CFHR1: variants seen among roughly 807,000 people sequenced by gnomAD.
CFHR1 encodes the protein complement factor H related 1.
A neutral mutation model predicts 30.4 loss-of-function variants in CFHR1; 22 were observed. That is an observed-to-expected ratio of 0.72 (90% CI 0.52 to 1.03). CFHR1 has a LOEUF of 1.03. Among genes scored for constraint, CFHR1 ranks in the 50% least tolerant of loss-of-function variants. The pLI is 0.00. For missense variants in CFHR1, 248 were observed against 380.6 expected, an observed-to-expected ratio of 0.65 and a Z score of 2.90; for synonymous variants, 95 against 129.1, an observed-to-expected ratio of 0.74 and a Z score of 1.79.
rs1391584229 is a variant in CFHR1, at chr1:196,829,255, C to A, written c.607+1009C>A. Among the ~76,000 whole-genome samples, 2 of 134,818 alleles carry A rather than the reference C, an allele frequency of 1.5e-5. 1 individual carries two copies. Among genetic ancestry groups the A allele is most frequent in the Non-Finnish European group, 3.1e-5 (2 of 64,210 alleles). The allele number at this position is 134,818 out of a possible 152,430, so 88.4% of individuals were successfully genotyped here. Reference sequence around the variant, plus strand: ...ACTTTCATGTAGATCCATTTATACTCTCCACATTGTAAGTATAAATGCCAG... The same window carrying A: ...ACTTTCATGTAGATCCATTTATACTATCCACATTGTAAGTATAAATGCCAG... On this transcript the variant is annotated intron_variant, in intron 4 of 5. Coordinates refer to ENST00000320493, the MANE Select transcript of CFHR1 (RefSeq NM_002113.3).
rs1573147470 is a variant in CFHR1 at position 196,824,724 on chromosome 1, G to T, written c.59-753G>T. The stretch of plus-strand genomic sequence containing the variant: ...TGATCTGCAGTTGGTTGAATCAGAC[G>T]AAGTGAAACGAGTGGGGCTGACTGT... On this transcript the variant is annotated intron_variant, in intron 1 of 5. Transcript: ENST00000320493. Among the ~76,000 whole-genome samples the T allele has an allele frequency of 2.2e-5, 2 of 91,960 alleles. 1 individual carries two copies. The highest frequency in any genetic ancestry group is 4.0e-5 in the Non-Finnish European group (2 of 50,070). The allele number at this position is 91,960 out of a possible 152,430, so 60.3% of individuals were successfully genotyped here. A position where few individuals can be genotyped will look rare whatever the true frequency, so the allele number is the denominator to read the frequency against.
rs777164625 is a variant in CFHR1, at chr1:196,826,194, C to G, written c.253+523C>G. Among the ~76,000 whole-genome samples, 130 of 134,394 alleles carry G rather than the reference C, an allele frequency of 9.7e-4. 18 individuals are homozygous for G. Among genetic ancestry groups the G allele is most frequent in the Non-Finnish European group, 1.5e-3 (99 of 64,122 alleles). The allele number at this position is 134,394 out of a possible 152,430, so 88.2% of individuals were successfully genotyped here. A position where few individuals can be genotyped will look rare whatever the true frequency, so the allele number is the denominator to read the frequency against. Reference sequence around the variant, plus strand: ...AGAAAAAAAAATTGGGAGACAGATACATGAGGCAACAAAGGAGATAGCAAT... The same window carrying G: ...AGAAAAAAAAATTGGGAGACAGATAGATGAGGCAACAAAGGAGATAGCAAT... On this transcript the variant is annotated intron_variant, in intron 2 of 5. Coordinates refer to ENST00000320493, the MANE Select transcript of CFHR1 (RefSeq NM_002113.3).
At position 196,824,028 on chromosome 1, in the gene CFHR1, G is replaced by T. The variant is rs1449435144; in HGVS notation, c.59-1449G>T. The stretch of plus-strand genomic sequence containing the variant: ...TACACAAAAAAAGAGTAAAAAGTAT[G>T]AAGATTTCACCCATTTTCTACATTG... On this transcript the variant is annotated intron_variant, in intron 1 of 5. Transcript: ENST00000320493. Among the ~76,000 whole-genome samples the T allele has an allele frequency of 1.5e-5, 2 of 133,428 alleles. 1 individual carries two copies. The highest frequency in any genetic ancestry group is 3.1e-5 in the Non-Finnish European group (2 of 63,902). The allele number at this position is 133,428 out of a possible 152,430, so 87.5% of individuals were successfully genotyped here. A position where few individuals can be genotyped will look rare whatever the true frequency, so the allele number is the denominator to read the frequency against.
chr1:196,821,149 G>A (rs397685), intron 1 of CFHR1: 24,469 of 139,028 alleles, frequency 0.18, 3,273 homozygotes, highest in African/African-American at 0.38. Flanking sequence ...CTTGAAATTC[G>A]TTTTATTTTG....
intron 1 of CFHR1, among the ~76,000 whole-genome samples, chr1:196,824,748 G>GTATATATATA (rs71131725): frequency 0.039 from 2,112 of 54,724 alleles, 135 homozygotes; most frequent in African/African-American, 0.049. Context: ...GGGGCTGACT[G>GTATATATATA]TATATATATA....
intron 2 of CFHR1, 50 bp from the exon 3 acceptor site, chr1:196,826,779 T>C (rs1348810862): frequency 1.0e-5 from 15 of 1,429,574 alleles, no homozygotes; most frequent in Non-Finnish European, 1.2e-5. Context: ...GCAGTTGTAC[T>C]TTTTCTTTGC....
In CFHR1 at chr1:196,829,244, C is replaced by A. The variant is rs1293952938; in HGVS notation, c.607+998C>A. Among the ~76,000 whole-genome samples the A allele has an allele frequency of 2.2e-5, 3 of 134,450 alleles. 1 individual carries two copies. Among genetic ancestry groups the A allele is most frequent in the Non-Finnish European group, 4.7e-5 (3 of 64,078 alleles). 88.2% of individuals were successfully genotyped at this position (134,450 alleles called of 152,430 possible). On this transcript the variant is annotated intron_variant, in intron 4 of 5. Transcript: ENST00000320493. ...ATGGAAAGCTTACTTTCATGTAGAT[C>A]CATTTATACTCTCCACATTGTAAGT... is the stretch of plus-strand genomic sequence containing the variant.
intron 1 of CFHR1, among the ~76,000 whole-genome samples, chr1:196,822,931 C>G (rs1294917062): frequency 7.5e-6 from 1 of 134,054 alleles, no homozygotes; most frequent in Admixed American, 7.2e-5. Context: ...GGCATTGCCA[C>G]AAATATGTGA....
At position 196,823,985 on chromosome 1, in the gene CFHR1, T is replaced by C. The variant is rs146856512; in HGVS notation, c.59-1492T>C. ...TATAAAGTCTAATAAAAAATATGTG[T>C]GTATATATATGTATGTGTACACAAA... On this transcript the variant is annotated intron_variant, in intron 1 of 5. Transcript: ENST00000320493. Among the ~76,000 whole-genome samples the C allele has an allele frequency of 2.4e-3, 296 of 125,658 alleles. 84 individuals are homozygous for C. Among genetic ancestry groups the C allele is most frequent in the African/African-American group, 9.6e-3 (266 of 27,598 alleles). The allele number at this position is 125,658 out of a possible 152,430, so 82.4% of individuals were successfully genotyped here. A position where few individuals can be genotyped will look rare whatever the true frequency, so the allele number is the denominator to read the frequency against.
chr1:196,825,481 A>G lies in CFHR1; in HGVS notation c.63A>G (p.Thr21=), dbSNP rs764441881. The G allele has an allele frequency of 6.7e-7, 1 of 1,482,904 alleles. No individual in the cohort carries two copies. The highest frequency in any genetic ancestry group is 9.1e-7 in the Non-Finnish European group (1 of 1,093,446). 91.9% of individuals were successfully genotyped at this position (1,482,904 alleles called of 1,614,324 possible). A position where few individuals can be genotyped will look rare whatever the true frequency, so the allele number is the denominator to read the frequency against. ...AGTTTTATGTTATTTTCCCAGCAAC[A>G]TTTTGTGATTTTCCAAAAATAAACC... ...SRISSVGGEA[T]FCDFPKINHG... Residue 21 remains threonine (T), a synonymous_variant, in exon 2 of 6, where the codon ACA becomes ACG. Coordinates refer to ENST00000320493, the MANE Select transcript of CFHR1 (RefSeq NM_002113.3).
At chr1:196,822,539 A>T (rs1655157019) in intron 1 of CFHR1, among the ~76,000 whole-genome samples, 1 of 133,064 alleles carries the variant, frequency 7.5e-6, no homozygotes, top group Admixed American at 7.3e-5. Flanking sequence ...CCTTTTTGTT[A>T]AAAACAGACA....
In CFHR1 at chr1:196,821,740, AGTGTGTGT is replaced by A. The variant is rs58358440; in HGVS notation, c.58+1859_58+1866del. On this transcript the variant is annotated intron_variant, in intron 1 of 5. Coordinates refer to ENST00000320493, the MANE Select transcript of CFHR1 (RefSeq NM_002113.3). ...GGCTATATATAGGTGACTGTGAGTG[AGTGTGTGT>A]GTGTGTGTGTGTGTGTGTGTATAAA... Among the ~76,000 whole-genome samples, 2 of 69,552 alleles carry A rather than the reference AGTGTGTGT, an allele frequency of 2.9e-5. 1 individual carries two copies. Among genetic ancestry groups the A allele is most frequent in the Non-Finnish European group, 5.2e-5 (2 of 38,764 alleles). The allele number at this position is 69,552 out of a possible 152,430, so 45.6% of individuals were successfully genotyped here. A position where few individuals can be genotyped will look rare whatever the true frequency, so the allele number is the denominator to read the frequency against.
At chr1:196,825,726 A>G in intron 2 of CFHR1, 55 bp downstream of exon 2, 2 of 1,429,018 alleles carry the variant, frequency 1.4e-6, no homozygotes, top group Non-Finnish European at 1.9e-6. Context: ...AGAGAAGGAT[A>G]TGCCAGACAA....
chr1:196,825,445 T>G (rs1181558778), intron 1 of CFHR1, 32 bp from the exon 2 acceptor site: 1 of 1,308,042 alleles, frequency 7.6e-7, no homozygotes. Context: ...TAACTTATTA[T>G]GTAATTCTTC....
intron 5 of CFHR1, among the ~76,000 whole-genome samples, chr1:196,831,320 G>A (rs1191929814): frequency 7.4e-6 from 1 of 134,450 alleles, no homozygotes; most frequent in Non-Finnish European, 1.6e-5. Flanking sequence ...GGTGTAGGTG[G>A]GTGTGTGAGT....
At chr1:196,831,497 A>C (rs1655557167) in intron 5 of CFHR1, among the ~76,000 whole-genome samples, 1 of 135,936 alleles carries the variant, frequency 7.4e-6, no homozygotes, top group Admixed American at 7.1e-5. Flanking sequence ...CCAATATCTT[A>C]ATCAAACAAA....
At position 196,827,135 on chromosome 1, in the gene CFHR1, A is replaced by G. The variant is rs1446502699; in HGVS notation, c.430+130A>G. On this transcript the variant is annotated intron_variant, in intron 3 of 5. Transcript: ENST00000320493. ...TTTATTCATTTGATTTTCAGTTCCA[A>G]TTGTGTCCAAGTGGATGTTGAATAA... 12 of 1,021,680 alleles carry G rather than the reference A, an allele frequency of 1.2e-5. 1 individual carries two copies. Among genetic ancestry groups the G allele is most frequent in the East Asian group, 7.7e-5 (3 of 39,022 alleles). 63.3% of individuals were successfully genotyped at this position (1,021,680 alleles called of 1,614,324 possible).
chr1:196,832,081 T>C lies in CFHR1; in HGVS notation c.*82T>C. On this transcript the variant is annotated 3_prime_UTR_variant, in exon 6 of 6. Coordinates refer to ENST00000320493, the MANE Select transcript of CFHR1 (RefSeq NM_002113.3). ...ATTTCATTTTTAAGTATTGTTTTAC[T>C]CCTTTTTATTCATACGTAAAATTTT... 7.8e-7 allele frequency: 1 copy of C among 1,285,368 alleles called. No homozygotes were observed. The highest frequency in any genetic ancestry group is 1.1e-6 in the Non-Finnish European group (1 of 931,988). The allele number at this position is 1,285,368 out of a possible 1,614,324, so 79.6% of individuals were successfully genotyped here.
At chr1:196,826,727 A>T in intron 2 of CFHR1, 102 bp from the exon 3 acceptor site, 1 of 1,136,906 alleles carries the variant, frequency 8.8e-7, no homozygotes, top group Admixed American at 2.0e-5. Flanking sequence ...AGAGATTACC[A>T]GAGTGAGCCA....
Sources: gnomAD v4.1 joint callset for allele counts (sites outside exome capture counted in the v4.1 genomes callset) on GRCh38, gnomAD v4.1.1 for gene constraint, MANE v1.5 for transcripts, NCBI Gene and HGNC (gene_info 2026-07-23, HGNC 2026-07-21) for gene names.